The following TRIM40 variants were observed in gnomAD, a reference collection of about 807,000 sequenced individuals.
TRIM40 encodes E3 ubiquitin ligase TRIM40.
In TRIM40, 27 loss-of-function variants were observed where a neutral mutation model predicts 26.1. The ratio of observed to expected loss-of-function variants is 1.04; its 90% CI spans 0.76 to 1.43. TRIM40 has a LOEUF of 1.43. Among genes scored for constraint, TRIM40 ranks in the 40% most tolerant of loss-of-function variants. The probability of loss-of-function intolerance (pLI) is 0.00; values close to 1 mark genes in which losing one functional copy is unlikely to be tolerated. For missense variants in TRIM40, 289 were observed against 307.9 expected, an observed-to-expected ratio of 0.94 and a Z score of 0.46; for synonymous variants, 114 against 120.0, an observed-to-expected ratio of 0.95 and a Z score of 0.33.
chr6:30,146,500 C>T (rs947604919), intron 3 of TRIM40, among the ~76,000 whole-genome samples: 7 of 152,134 alleles, frequency 4.6e-5, no homozygotes, highest in Non-Finnish European at 1.0e-4. Flanking sequence ...CAAGCTCCGC[C>T]TCCCGGGTTC....
In TRIM40 at chr6:30,147,747, G is replaced by A. The variant is rs532486766; in HGVS notation, c.712G>A (p.Val238Ile). ...LNRSAPQKLE[V>I]IYPQLEKGVS... ...TAGGAGTGCTCCACAGAAATTAGAG[G>A]TTATTTATCCCCAGTTGGAGAAAGG... The change falls in exon 6 of 6, where the codon GTT becomes ATT. Residue 238 changes from valine (V) to isoleucine (I), a missense_variant. Coordinates refer to ENST00000396581, the MANE Select transcript of TRIM40 (RefSeq NM_001286633.2). 7.4e-6 allele frequency: 12 copies of A among 1,614,154 alleles called. No individual in the cohort carries two copies. The African/African-American group carries it at 9.3e-5, about 13-fold the overall frequency.
Position 30,137,173 on chromosome 6 carries a change from C to A in TRIM40, c.137C>A (p.Ser46Ter). ...VCLTQHVEKA[S>*]ASGVFCCPLC... ...CTGACACAGCATGTGGAGAAGGCCT[C>A]AGCCTCTGGGGTCTTCTGCTGCCCC... Residue 46 changes from serine to a stop codon, truncating the protein, a stop_gained, in exon 2 of 6, where the codon TCA becomes TAA. Transcript: ENST00000396581. LOFTEE classifies it high-confidence loss of function. 6.2e-7 allele frequency: 1 copy of A among 1,613,056 alleles called. No individual in the cohort carries two copies. Among genetic ancestry groups the A allele is most frequent in the Non-Finnish European group, 8.5e-7 (1 of 1,180,040 alleles).
intron 2 of TRIM40, among the ~76,000 whole-genome samples, chr6:30,139,467 C>T (rs1157004620): frequency 6.6e-6 from 1 of 151,586 alleles, no homozygotes; most frequent in Admixed American, 6.6e-5. Flanking sequence ...CTCAGCCTCC[C>T]GAGTAGCTGG....
At chr6:30,146,482 G>A (rs991479831) in intron 3 of TRIM40, among the ~76,000 whole-genome samples, 8 of 151,656 alleles carry the variant, frequency 5.3e-5, no homozygotes, top group African/African-American at 1.5e-4. Flanking sequence ...CACGAACTCC[G>A]CTCACTGCAA....
Position 30,146,970 on chromosome 6 carries a change from G to A in TRIM40, c.442-15G>A. ...GCCACCTGACACTGAGTCTTAGGGAGCCCCTTTCCTGTAGTTTCAGGTAGA... is the reference window on the plus strand; with the variant it reads ...GCCACCTGACACTGAGTCTTAGGGAACCCCTTTCCTGTAGTTTCAGGTAGA... On this transcript the variant is annotated splice_polypyrimidine_tract_variant and intron_variant, in intron 3 of 5. Transcript: ENST00000396581. 9 of 1,564,798 alleles carry A rather than the reference G, an allele frequency of 5.8e-6. No homozygotes were observed. The highest frequency in any genetic ancestry group is 7.8e-6 in the Non-Finnish European group (9 of 1,155,312).
chr6:30,148,715 ATG>A lies in TRIM40; in HGVS notation c.*913_*914del, dbSNP rs1771820500. 6.6e-6 allele frequency: 1 copy of A among 152,304 alleles called. No individual in the cohort carries two copies. The highest frequency in any genetic ancestry group is 1.5e-5 in the Non-Finnish European group (1 of 68,086). 9.4% of individuals were successfully genotyped at this position (152,304 alleles called of 1,614,324 possible). A position where few individuals can be genotyped will look rare whatever the true frequency, so the allele number is the denominator to read the frequency against. ...ACCCACAGAAACAGTGTGACAATAA[ATG>A]TGTGTGTGTTTTTTTGTTTTCTGTT... On this transcript the variant is annotated 3_prime_UTR_variant, in exon 6 of 6. Transcript: ENST00000396581.
rs925875460 is a variant in TRIM40 at position 30,147,916 on chromosome 6, G to A, written c.*104G>A. 1.9e-5 allele frequency: 17 copies of A among 899,952 alleles called. No homozygotes were observed. Among genetic ancestry groups the A allele is most frequent in the South Asian group, 1.2e-4 (9 of 72,976 alleles). 55.7% of individuals were successfully genotyped at this position (899,952 alleles called of 1,614,324 possible). On this transcript the variant is annotated 3_prime_UTR_variant, in exon 6 of 6. Coordinates refer to ENST00000396581, the MANE Select transcript of TRIM40 (RefSeq NM_001286633.2). ...CACTGGGTCTACCCAGTGCATCTTCGGGCCTGCCAGCTCCTGAACATGTCA... is the reference window on the plus strand; with the variant it reads ...CACTGGGTCTACCCAGTGCATCTTCAGGCCTGCCAGCTCCTGAACATGTCA...
rs1337251199 is a variant in TRIM40 at position 30,136,891 on chromosome 6, G to A, written c.-146G>A. On this transcript the variant is annotated 5_prime_UTR_variant, in exon 2 of 6. Transcript: ENST00000396581. ...AGTGGGCAATTGCCTGAACTTGGAGGCTGTGTCCTGTCCCCAGGCTGCTCC... is the reference window on the plus strand; with the variant it reads ...AGTGGGCAATTGCCTGAACTTGGAGACTGTGTCCTGTCCCCAGGCTGCTCC... 4 of 724,252 alleles carry A rather than the reference G, an allele frequency of 5.5e-6. No homozygotes were observed. The highest frequency in any genetic ancestry group is 8.9e-6 in the Non-Finnish European group (4 of 448,534). 44.9% of individuals were successfully genotyped at this position (724,252 alleles called of 1,614,324 possible). A position where few individuals can be genotyped will look rare whatever the true frequency, so the allele number is the denominator to read the frequency against.
intron 2 of TRIM40, among the ~76,000 whole-genome samples, chr6:30,144,997 C>T (rs1459440594): frequency 6.6e-6 from 1 of 152,140 alleles, no homozygotes; most frequent in African/African-American, 2.4e-5. Flanking sequence ...AGTGACGTGA[C>T]ACGTTTTTAG....
chr6:30,147,515 C>T lies in TRIM40; in HGVS notation c.667-5C>T, dbSNP rs754004427. ...ATTATGATTCTCACTTTTTCTCTCT[C>T]CTAGAATGCTGGTGACTTACTGAAC... On this transcript the variant is annotated splice_region_variant and splice_polypyrimidine_tract_variant and intron_variant, in intron 4 of 5. Transcript: ENST00000396581. The T allele has an allele frequency of 2.5e-6, 4 of 1,614,014 alleles. No individual in the cohort carries two copies. Among genetic ancestry groups the T allele is most frequent in the East Asian group, 4.5e-5 (2 of 44,880 alleles).
Position 30,137,248 on chromosome 6 carries a change from G to T in TRIM40, c.212G>T (p.Cys71Phe), listed in dbSNP as rs1771066361. Residue 71 changes from cysteine to phenylalanine, a missense_variant, in exon 2 of 6, where the codon TGC becomes TTC. By Grantham distance (205) the Cys-to-Phe change is radical. Coordinates refer to ENST00000396581, the MANE Select transcript of TRIM40 (RefSeq NM_001286633.2). ...SEEVLGTGYI[C>F]PNHQKRVCRF... ...GAGGTGCTAGGGACAGGCTATATCT[G>T]CCCCAACCACCAGAAGAGGGTGTGC... 2 of 1,613,082 alleles carry T rather than the reference G, an allele frequency of 1.2e-6. No homozygotes were observed. Among genetic ancestry groups the T allele is most frequent in the Non-Finnish European group, 1.7e-6 (2 of 1,180,026 alleles).
At position 30,136,960 on chromosome 6, in the gene TRIM40, G is replaced by A; in HGVS notation, c.-77G>A. On this transcript the variant is annotated 5_prime_UTR_variant, in exon 2 of 6. Coordinates refer to ENST00000396581, the MANE Select transcript of TRIM40 (RefSeq NM_001286633.2). ...CTGGGCCTTCTTATCTGGGACTGTT[G>A]AGGGCAACAGGCCTTCCGAAGACCA... 6.8e-7 allele frequency: 1 copy of A among 1,464,350 alleles called. No homozygotes were observed. The highest frequency in any genetic ancestry group is 9.3e-7 in the Non-Finnish European group (1 of 1,075,660). The allele number at this position is 1,464,350 out of a possible 1,614,324, so 90.7% of individuals were successfully genotyped here.
At chr6:30,140,027 TCTCTG>T (rs1291902012) in intron 2 of TRIM40, among the ~76,000 whole-genome samples, 2 of 152,192 alleles carry the variant, frequency 1.3e-5, no homozygotes, top group Non-Finnish European at 2.9e-5. Flanking sequence ...TGAGATACCA[TCTCTG>T]CCAGTTAGAA....
At chr6:30,138,066 TACACACAC>T (rs9278588) in intron 2 of TRIM40, among the ~76,000 whole-genome samples, 1 of 112,440 alleles carries the variant, frequency 8.9e-6, no homozygotes, top group Non-Finnish European at 2.2e-5. Context: ...AATGCACTCT[TACACACAC>T]ACACACACAC....
At chr6:30,141,510 G>A (rs538658551) in intron 2 of TRIM40, among the ~76,000 whole-genome samples, 1 of 152,298 alleles carries the variant, frequency 6.6e-6, no homozygotes, top group Non-Finnish European at 1.5e-5. Context: ...AAAACAAGGG[G>A]AATGGTGCCC....
Position 30,145,998 on chromosome 6 carries a change from G to C in TRIM40, c.350G>C (p.Arg117Pro). 3 of 1,612,934 alleles carry C rather than the reference G, an allele frequency of 1.9e-6. No individual in the cohort carries two copies. The highest frequency in any genetic ancestry group is 2.5e-6 in the Non-Finnish European group (3 of 1,179,976). ...CAGGTGTGTCTGTCTCTTTAGGAAC[G>C]ACTCAATCGCCGGAGCAGGAAGCTC... ...IENALSHYKE[R>P]LNRRSRKLRK... is the part of the protein sequence containing the mutation. The change falls in exon 3 of 6, where the codon CGA (arginine) becomes CCA (proline). Residue 117 changes from arginine (R) to proline (P), a missense_variant. By Grantham distance (103) the Arg-to-Pro change is moderately radical. Coordinates refer to ENST00000396581, the MANE Select transcript of TRIM40 (RefSeq NM_001286633.2).
chr6:30,138,575 T>C (rs1270339375), intron 2 of TRIM40, among the ~76,000 whole-genome samples: 5 of 152,234 alleles, frequency 3.3e-5, no homozygotes, highest in African/African-American at 1.2e-4. Context: ...AGAGATTTTA[T>C]CCTTACCATA....
In TRIM40 at chr6:30,137,260, A is replaced by G. The variant is rs369928656; in HGVS notation, c.224A>G (p.Gln75Arg). 6.2e-7 allele frequency: 1 copy of G among 1,613,062 alleles called. No homozygotes were observed. The highest frequency in any genetic ancestry group is 1.3e-5 in the African/African-American group (1 of 75,056). ...LGTGYICPNH[Q>R]KRVCRFCEES... ...ACAGGCTATATCTGCCCCAACCACC[A>G]GAAGAGGGTGTGCAGGTTCTGTGAG... Residue 75 changes from glutamine (Q) to arginine (R), a missense_variant, in exon 2 of 6, where the codon CAG becomes CGG. Transcript: ENST00000396581.
chr6:30,147,069 C>A lies in TRIM40; in HGVS notation c.526C>A (p.Gln176Lys), dbSNP rs200942796. 84 of 1,613,814 alleles carry A rather than the reference C, an allele frequency of 5.2e-5. No individual in the cohort carries two copies. The highest frequency in any genetic ancestry group is 3.3e-4 in the Middle Eastern group (2 of 6,038). Residue 176 changes from glutamine to lysine, a missense_variant, in exon 4 of 6, where the codon CAG (glutamine) becomes AAG (lysine). Physicochemically the swap from Gln to Lys is moderately conservative, Grantham distance 53 (BLOSUM62 1). Coordinates refer to ENST00000396581, the MANE Select transcript of TRIM40 (RefSeq NM_001286633.2). ...QTREQLGALP[Q>K]QWLGQLEHMP... ...CAGGGAACAGCTGGGTGCCCTCCCT[C>A]AGCAGTGGCTGGGCCAGCTGGAGCA... is the stretch of plus-strand genomic sequence containing the variant.
Sources: gnomAD v4.1 joint callset for allele counts (sites outside exome capture counted in the v4.1 genomes callset) on GRCh38, gnomAD v4.1.1 for gene constraint, MANE v1.5 for transcripts, NCBI Gene and HGNC (gene_info 2026-07-23, HGNC 2026-07-21) for gene names.